Variants in OPCML observed in about 807,000 individuals in gnomAD.
OPCML encodes the protein opioid binding protein/cell adhesion molecule like, also known as opioid-binding protein/cell adhesion molecule.
A neutral mutation model predicts 37.8 loss-of-function variants in OPCML; 13 were observed. That is an observed-to-expected ratio of 0.34 (90% confidence interval 0.22 to 0.55). The LOEUF (loss-of-function observed/expected upper bound fraction) is 0.55. Ranked by LOEUF, OPCML falls within the 20% of genes least tolerant of loss-of-function variation. The pLI is 0.91. For synonymous variants in OPCML, 176 were observed against 168.8 expected, an observed-to-expected ratio of 1.04 and a Z score of -0.33; for missense variants, 341 against 435.6, an observed-to-expected ratio of 0.78 and a Z score of 1.93.
rs920137692 is a variant in OPCML, at chr11:132,415,279, G to A, written c.*4914C>T. On this transcript the variant is annotated 3_prime_UTR_variant, in exon 8 of 8. Coordinates refer to ENST00000524381, the MANE Select transcript of OPCML (RefSeq NM_001012393.5). ...TTTTTTGAAGGATAATTGTGAGAAT[G>A]GGCACACCCATTGTCTGACACAGCT... The A allele has an allele frequency of 1.3e-5, 2 of 152,528 alleles. No individual in the cohort carries two copies. The highest frequency in any genetic ancestry group is 4.8e-5 in the African/African-American group (2 of 41,416). 9.4% of individuals were successfully genotyped at this position (152,528 alleles called of 1,614,324 possible).
rs554642891 is a variant in OPCML at position 132,876,354 on chromosome 11, T to C, written c.146+66572A>G. ...GCAACTCCTGAGAGCAAACCCTTTA[T>C]GATCTGAGTTCAGGGCCATCCAGTT... On this transcript the variant is annotated intron_variant, in intron 2 of 7. Coordinates refer to ENST00000524381, the MANE Select transcript of OPCML (RefSeq NM_001012393.5). 2.0e-5 allele frequency among the ~76,000 whole-genome samples: 3 copies of C among 152,326 alleles called. No homozygotes were observed. In the South Asian group the frequency reaches 6.2e-4, roughly 32 times the overall value.
chr11:133,229,622 C>G (rs1387533029), intron 1 of OPCML, among the ~76,000 whole-genome samples: 2 of 151,942 alleles, frequency 1.3e-5, no homozygotes, highest in Non-Finnish European at 1.5e-5. Flanking sequence ...GCTGAGGTTA[C>G]CAAGATCTAC....
chr11:132,621,550 G>A (rs1565718888), intron 3 of OPCML, among the ~76,000 whole-genome samples: 1 of 152,158 alleles, frequency 6.6e-6, no homozygotes, highest in Admixed American at 6.5e-5. Context: ...ACACAAATGA[G>A]TACCTCCTAG....
chr11:132,744,738 G>A (rs1444715503), intron 2 of OPCML, among the ~76,000 whole-genome samples: 2 of 152,216 alleles, frequency 1.3e-5, no homozygotes, highest in African/African-American at 4.8e-5. Flanking sequence ...ATATAAGCAT[G>A]TGCAAAGTAA....
At chr11:133,095,284 T>TTG (rs1948982723) in intron 1 of OPCML, among the ~76,000 whole-genome samples, 1 of 143,236 alleles carries the variant, frequency 7.0e-6, no homozygotes, top group African/African-American at 2.6e-5. Flanking sequence ...AATGTTTTTT[T>TTG]TTTTTTTTTT....
At chr11:133,154,409 A>G (rs1950028176) in intron 1 of OPCML, among the ~76,000 whole-genome samples, 1 of 152,024 alleles carries the variant, frequency 6.6e-6, no homozygotes, top group African/African-American at 2.4e-5. Flanking sequence ...GGTCGTTAGA[A>G]TTTTTTATTT....
chr11:132,607,746 A>G (rs1325973792), intron 3 of OPCML, among the ~76,000 whole-genome samples: 1 of 152,282 alleles, frequency 6.6e-6, no homozygotes, highest in African/African-American at 2.4e-5. Flanking sequence ...ATGAATCAAC[A>G]CTATTGATAG....
At chr11:133,122,468 T>A (rs1949436983) in intron 1 of OPCML, among the ~76,000 whole-genome samples, 1 of 152,132 alleles carries the variant, frequency 6.6e-6, no homozygotes, top group Admixed American at 6.5e-5. Flanking sequence ...ATGGAAGTTG[T>A]CAGGCACTTC....
At chr11:133,386,108 AG>A (rs1220708114) in intron 1 of OPCML, among the ~76,000 whole-genome samples, 1 of 152,252 alleles carries the variant, frequency 6.6e-6, no homozygotes. Context: ...ATGAATAAGC[AG>A]AAGCTTGAAT....
At chr11:133,357,794 T>C (rs1565590582) in intron 1 of OPCML, among the ~76,000 whole-genome samples, 2 of 152,170 alleles carry the variant, frequency 1.3e-5, no homozygotes, top group South Asian at 4.1e-4. Context: ...TTAGTGAGTG[T>C]TTAGCACCTT....
chr11:133,216,576 T>C (rs1284537334), intron 1 of OPCML, among the ~76,000 whole-genome samples: 3 of 152,224 alleles, frequency 2.0e-5, no homozygotes, highest in African/African-American at 7.2e-5. Context: ...ATATTCATTA[T>C]CTTATTCCTT....
intron 1 of OPCML, among the ~76,000 whole-genome samples, chr11:133,374,865 T>A (rs182779643): frequency 6.6e-6 from 1 of 152,314 alleles, no homozygotes; most frequent in East Asian, 1.9e-4. Flanking sequence ...GCAGCCAAGG[T>A]ACCATATGCA....
chr11:132,776,572 CCT>C (rs145789442), intron 2 of OPCML, among the ~76,000 whole-genome samples: 7 of 150,406 alleles, frequency 4.7e-5, no homozygotes, highest in Non-Finnish European at 4.4e-5. Context: ...AGCACTTCCC[CCT>C]CTCTCTCTCT....
rs975776146 is a variant in OPCML, at chr11:133,173,871, G to A, written c.62-230861C>T. Among the ~76,000 whole-genome samples the A allele has an allele frequency of 2.6e-5, 4 of 152,194 alleles. No individual in the cohort carries two copies. Among genetic ancestry groups the A allele is most frequent in the East Asian group, 1.9e-4 (1 of 5,196 alleles). ...GGCAAATAATGAAGTTGATAAATGG[G>A]TCTGCACTCTGAGGGCTGGAATGAA... On this transcript the variant is annotated intron_variant, in intron 1 of 7. Transcript: ENST00000524381. This position sits in a 1 kb window ranked among gnomAD's most constrained non-coding sequence, Gnocchi z 7.8.
At chr11:132,870,602 C>T (rs1240572010) in intron 2 of OPCML, among the ~76,000 whole-genome samples, 1 of 152,164 alleles carries the variant, frequency 6.6e-6, no homozygotes, top group East Asian at 1.9e-4. Flanking sequence ...TCTGCCCTCT[C>T]ATGTTCATCG....
chr11:133,288,830 CTGGGGTG>C (rs1373896403), intron 1 of OPCML, among the ~76,000 whole-genome samples: 8 of 152,172 alleles, frequency 5.3e-5, no homozygotes, highest in Non-Finnish European at 7.3e-5. Context: ...GCCAACTAGA[CTGGGGTG>C]TCGGCCAAAG....
chr11:132,445,798 G>A (rs1475389198), intron 4 of OPCML, among the ~76,000 whole-genome samples: 1 of 152,182 alleles, frequency 6.6e-6, no homozygotes, highest in African/African-American at 2.4e-5. Context: ...TATGCTCCCA[G>A]GCTTCCTCTG....
At chr11:132,928,061 A>G (rs1245588471) in intron 2 of OPCML, among the ~76,000 whole-genome samples, 1 of 152,054 alleles carries the variant, frequency 6.6e-6, no homozygotes, top group Non-Finnish European at 1.5e-5. Flanking sequence ...GAAATGAGGG[A>G]CAAAAAAACT....
intron 4 of OPCML, among the ~76,000 whole-genome samples, chr11:132,478,546 C>G (rs971461263): frequency 1.3e-4 from 20 of 152,162 alleles, no homozygotes; most frequent in African/African-American, 3.9e-4. Context: ...AATCTAACAG[C>G]AACATTGGGG....
Sources: gnomAD v4.1 joint callset for allele counts (sites outside exome capture counted in the v4.1 genomes callset) on GRCh38, gnomAD v4.1.1 for gene constraint, Gnocchi (gnomAD v3.1) non-coding constraint, MANE v1.5 for transcripts, NCBI Gene and HGNC (gene_info 2026-07-23, HGNC 2026-07-21) for gene names.